ITGAX: variants seen among roughly 807,000 people sequenced by gnomAD.
ITGAX encodes integrin alpha-X.
A neutral mutation model predicts 140.2 loss-of-function variants in ITGAX; 99 were observed. That is an observed-to-expected ratio of 0.71 (90% CI 0.60 to 0.83). The LOEUF is 0.83. Among genes scored for constraint, ITGAX ranks in the 40% least tolerant of loss-of-function variants. The pLI is 0.00. For missense variants in ITGAX, 1,444 were observed against 1,482.0 expected (o/e 0.97, Z 0.42); for synonymous variants, 631 against 600.4 (o/e 1.05, Z -0.75).
rs1273595472 is a variant in ITGAX at position 31,355,249 on chromosome 16, C to T, written c.-6C>T. 1 of 1,613,828 alleles carries T rather than the reference C, an allele frequency of 6.2e-7. No homozygotes were observed. The highest frequency in any genetic ancestry group is 1.7e-5 in the Admixed American group (1 of 60,018). On this transcript the variant is annotated 5_prime_UTR_variant, in exon 1 of 30. Transcript: ENST00000268296. ...AGCTCAGAGCTCCACATCTGACCTT[C>T]TAGTCATGACCAGGACCAGGGCAGC...
At chr16:31,371,045 T>C in intron 14 of ITGAX, 39 bp from the exon 15 acceptor site, 11 of 1,612,876 alleles carry the variant, frequency 6.8e-6, no homozygotes, top group Non-Finnish European at 9.3e-6. Context: ...CTTCTTCCCC[T>C]ACTTTCCATC....
intron 14 of ITGAX, among the ~76,000 whole-genome samples, chr16:31,363,634 A>C (rs1375930732): frequency 6.6e-6 from 1 of 152,214 alleles, no homozygotes; most frequent in East Asian, 1.9e-4. Flanking sequence ...TAGTAGAGAC[A>C]GGCTTTCGCC....
chr16:31,361,459 C>T lies in ITGAX; in HGVS notation c.1012+246C>T, dbSNP rs567550951. The T allele has an allele frequency of 6.2e-4, 416 of 675,034 alleles. 1 individual carries two copies. Among genetic ancestry groups the T allele is most frequent in the Admixed American group, 1.1e-3 (44 of 40,860 alleles). 41.8% of individuals were successfully genotyped at this position (675,034 alleles called of 1,614,324 possible). On this transcript the variant is annotated intron_variant, in intron 9 of 29. Transcript: ENST00000268296. ...TGATCTCACACCACCACCGGCTCCA[C>T]TGCAGAACAAAAAGCAGTGCCAGGC...
Position 31,372,644 on chromosome 16 carries a change from T to C in ITGAX, c.2340T>C (p.Asn780=), listed in dbSNP as rs757987380. Residue 780 remains asparagine (N), a synonymous_variant, in exon 19 of 30, where the codon AAT becomes AAC. Transcript: ENST00000268296. ...NCGADHICQD[N]LGISFSFPGL... ...GAGCCGACCATATCTGCCAGGACAA[T>C]CTCGGCATCTCCTTCAGCTTCCCAG... The C allele has an allele frequency of 6.2e-6, 10 of 1,614,080 alleles. No homozygotes were observed. The highest frequency in any genetic ancestry group is 8.5e-6 in the Non-Finnish European group (10 of 1,179,978).
intron 24 of ITGAX, 41 bp downstream of exon 24, chr16:31,379,687 G>C (rs1447679300): frequency 6.3e-7 from 1 of 1,576,006 alleles, no homozygotes; most frequent in South Asian, 1.2e-5. Context: ...GGGGTGGGAG[G>C]CTGGGAGCCG....
rs780063353 is a variant in ITGAX, at chr16:31,357,401, C to A, written c.430+37C>A. On this transcript the variant is annotated intron_variant, in intron 5 of 29. Transcript: ENST00000268296. ...GACCACCAAGGCTTTGAGGAGCTCA[C>A]GCACATCCAATTGGGGGTGCGGTGG... The A allele has an allele frequency of 5.8e-6, 8 of 1,377,298 alleles. No individual in the cohort carries two copies. In the Admixed American group the frequency reaches 1.6e-4, roughly 27 times the overall value. The allele number at this position is 1,377,298 out of a possible 1,614,324, so 85.3% of individuals were successfully genotyped here.
At position 31,382,228 on chromosome 16, in the gene ITGAX, C is replaced by CTTT. The variant is rs61575806; in HGVS notation, c.*334_*336dup. 227 of 903,286 alleles carry CTTT rather than the reference C, an allele frequency of 2.5e-4. No individual in the cohort carries two copies. Among genetic ancestry groups the CTTT allele is most frequent in the South Asian group, 7.7e-4 (35 of 45,496 alleles). 56.0% of individuals were successfully genotyped at this position (903,286 alleles called of 1,614,324 possible). ...GGCACGAATGATCTTTCTTTCCTTT[C>CTTT]TTTTTTTTTTTTTTTCTTTTCTTTT... On this transcript the variant is annotated 3_prime_UTR_variant, in exon 30 of 30. Coordinates refer to ENST00000268296, the MANE Select transcript of ITGAX (RefSeq NM_000887.5).
rs549478043 is a variant in ITGAX, at chr16:31,372,145, T to G, written c.2161-233T>G. ...CCAGGGGCATAGGTGGCCAAAACAG[T>G]CATTGCTGATCGGGAGGTCTGGGGG... is the stretch of plus-strand genomic sequence containing the variant. On this transcript the variant is annotated intron_variant, in intron 17 of 29. Transcript: ENST00000268296. 2.8e-5 allele frequency among the ~76,000 whole-genome samples: 4 copies of G among 141,646 alleles called. No homozygotes were observed. The East Asian group carries it at 8.4e-4, about 30-fold the overall frequency. The allele number at this position is 141,646 out of a possible 152,430, so 92.9% of individuals were successfully genotyped here.
chr16:31,379,445 C>A, intron 23 of ITGAX, 123 bp from the exon 24 acceptor site: 1 of 935,630 alleles, frequency 1.1e-6, no homozygotes, highest in Non-Finnish European at 1.6e-6. Context: ...CTAACTCAGC[C>A]ACAGCCCTCA....
rs1251113296 is a variant in ITGAX, at chr16:31,382,462, C to G, written c.*555C>G. The G allele has an allele frequency of 2.1e-5, 32 of 1,533,026 alleles. No individual in the cohort carries two copies. The highest frequency in any genetic ancestry group is 2.7e-5 in the African/African-American group (2 of 72,996). The allele number at this position is 1,533,026 out of a possible 1,614,324, so 95.0% of individuals were successfully genotyped here. ...TATGCTGCTCATCCCCACCTGTCTTCAACAGCTCCCCATTACCCTCAGGAC... is the reference window on the plus strand; with the variant it reads ...TATGCTGCTCATCCCCACCTGTCTTGAACAGCTCCCCATTACCCTCAGGAC... On this transcript the variant is annotated 3_prime_UTR_variant, in exon 30 of 30. Coordinates refer to ENST00000268296, the MANE Select transcript of ITGAX (RefSeq NM_000887.5).
In ITGAX at chr16:31,382,254, T is replaced by C. The variant is rs1474380938; in HGVS notation, c.*347T>C. ...TTTTTTTTTTTTTTTCTTTTCTTTT[T>C]TTTTTTTTTGAGACGGAGTCTCGCT... is the stretch of plus-strand genomic sequence containing the variant. On this transcript the variant is annotated 3_prime_UTR_variant, in exon 30 of 30. Coordinates refer to ENST00000268296, the MANE Select transcript of ITGAX (RefSeq NM_000887.5). 7.7e-6 allele frequency: 8 copies of C among 1,033,956 alleles called. 1 individual carries two copies. Among genetic ancestry groups the C allele is most frequent in the East Asian group, 9.8e-5 (2 of 20,450 alleles). 64.0% of individuals were successfully genotyped at this position (1,033,956 alleles called of 1,614,324 possible).
At chr16:31,379,095 C>T (rs949240760) in intron 23 of ITGAX, among the ~76,000 whole-genome samples, 6 of 151,986 alleles carry the variant, frequency 3.9e-5, no homozygotes, top group African/African-American at 1.5e-4. Context: ...GGATTATAGG[C>T]GTGAGCACTG....
rs1174331372 is a variant in ITGAX, at chr16:31,380,922, A to T, written c.3302A>T (p.Lys1101Met). Residue 1101 changes from lysine (K) to methionine (M), a missense_variant, in exon 29 of 30, where the codon AAG becomes ATG. Lys to Met is a moderately conservative substitution (Grantham distance 95). Coordinates refer to ENST00000268296, the MANE Select transcript of ITGAX (RefSeq NM_000887.5). ...ACGACAACGGTGCTGGAGAAGTACA[A>T]GGTCCACAACCCCACCCCCCTCATC... ...AQTTTVLEKY[K>M]VHNPTPLIVG... 6.2e-7 allele frequency: 1 copy of T among 1,614,126 alleles called. No homozygotes were observed. Among genetic ancestry groups the T allele is most frequent in the Non-Finnish European group, 8.5e-7 (1 of 1,180,020 alleles).
chr16:31,361,985 G>C (rs1197437582), intron 10 of ITGAX, 76 bp downstream of exon 10: 2 of 1,611,004 alleles, frequency 1.2e-6, no homozygotes, highest in South Asian at 1.1e-5. Flanking sequence ...GGTGTCAGGT[G>C]GGTAAGAGGC....
chr16:31,372,481 C>T lies in ITGAX; in HGVS notation c.2264C>T (p.Ala755Val), dbSNP rs1343300623. 9 of 1,607,610 alleles carry T rather than the reference C, an allele frequency of 5.6e-6. No individual in the cohort carries two copies. Among genetic ancestry groups the T allele is most frequent in the Non-Finnish European group, 6.8e-6 (8 of 1,178,468 alleles). Residue 755 changes from alanine to valine, a missense_variant, in exon 18 of 30, where the codon GCC becomes GTC. Ala to Val is a moderately conservative substitution (Grantham distance 64). Coordinates refer to ENST00000268296, the MANE Select transcript of ITGAX (RefSeq NM_000887.5). Reference sequence around the variant, plus strand: ...AGAAACCTGCGGCCTATGCTGGCCGCCGATGCTCAGAGATACTTCACGGCC... The same window carrying T: ...AGAAACCTGCGGCCTATGCTGGCCGTCGATGCTCAGAGATACTTCACGGCC... ...AFRNLRPMLAADAQRYFTASL... is the reference protein window; with the variant it reads ...AFRNLRPMLAVDAQRYFTASL...
At chr16:31,372,277 G>C (rs573102707) in intron 17 of ITGAX, 101 bp from the exon 18 acceptor site, 1 of 1,412,464 alleles carries the variant, frequency 7.1e-7, no homozygotes, top group Non-Finnish European at 9.5e-7. Context: ...AGCTGAAGCC[G>C]CGCGGGAGCT....
chr16:31,365,380 A>G (rs900107777), intron 14 of ITGAX, among the ~76,000 whole-genome samples: 2 of 152,196 alleles, frequency 1.3e-5, no homozygotes, highest in African/African-American at 2.4e-5. Flanking sequence ...TATAGCTCAA[A>G]AAAGCTGTTA....
Position 31,363,503 on chromosome 16 carries a change from G to T in ITGAX, c.1710+129G>T. 3 of 1,054,486 alleles carry T rather than the reference G, an allele frequency of 2.8e-6. No individual in the cohort carries two copies. The East Asian group carries it at 7.7e-5, about 27-fold the overall frequency. 65.3% of individuals were successfully genotyped at this position (1,054,486 alleles called of 1,614,324 possible). A position where few individuals can be genotyped will look rare whatever the true frequency, so the allele number is the denominator to read the frequency against. On this transcript the variant is annotated intron_variant, in intron 14 of 29. Coordinates refer to ENST00000268296, the MANE Select transcript of ITGAX (RefSeq NM_000887.5). The stretch of plus-strand genomic sequence containing the variant: ...GCCCAGCTCTGAGCACCTTGTAGCA[G>T]TGGCGTGGTCTCAGCTCACTGCAAC...
rs774387615 is a variant in ITGAX, at chr16:31,361,925, TA to T, written c.1086+17del. The T allele has an allele frequency of 3.1e-6, 5 of 1,613,684 alleles. No homozygotes were observed. The Admixed American group carries it at 8.3e-5, about 27-fold the overall frequency. On this transcript the variant is annotated intron_variant, in intron 10 of 29. Transcript: ENST00000268296. ...GTTCACACCTGTGAGTGGGGCCCCT[TA>T]GGCCGATGATGTGCCGTGAGGGGAG...
Sources: allele counts gnomAD v4.1 joint callset (sites outside exome capture counted in the v4.1 genomes callset), GRCh38; gene constraint gnomAD v4.1.1; transcripts MANE v1.5; gene names NCBI Gene and HGNC (gene_info 2026-07-23, HGNC 2026-07-21).